Variants in EMCN observed in about 807,000 individuals in gnomAD.
EMCN encodes endomucin, also known as MUC-14.
A neutral mutation model predicts 38.4 loss-of-function variants in EMCN; 37 were observed. The ratio of observed to expected loss-of-function variants is 0.96; its 90% confidence interval spans 0.74 to 1.27. The LOEUF is 1.27. Ranked by LOEUF, EMCN falls within the 50% of genes most tolerant of loss-of-function variation. The pLI is 0.00. For missense variants in EMCN, 318 were observed against 302.8 expected (o/e 1.05, Z -0.37); for synonymous variants, 95 against 100.8 (o/e 0.94, Z 0.35).
intron 1 of EMCN, among the ~76,000 whole-genome samples, chr4:100,491,832 A>G (rs1729089219): frequency 6.6e-6 from 1 of 152,228 alleles, no homozygotes; most frequent in African/African-American, 2.4e-5. Flanking sequence ...ACTCAAAAGC[A>G]GGCTCTCTCT....
chr4:100,481,165 A>G (rs1252680696), intron 1 of EMCN, among the ~76,000 whole-genome samples: 1 of 152,184 alleles, frequency 6.6e-6, no homozygotes, highest in Non-Finnish European at 1.5e-5. Flanking sequence ...TGGACTTTGA[A>G]TAATACAGGC....
intron 7 of EMCN, 53 bp downstream of exon 7, chr4:100,422,968 T>C: frequency 1.3e-6 from 2 of 1,560,446 alleles, no homozygotes; most frequent in South Asian, 2.2e-5. Flanking sequence ...ACTGGTCACA[T>C]TCAAACATTC....
intron 11 of EMCN, among the ~76,000 whole-genome samples, chr4:100,398,679 A>G (rs1228692702): frequency 6.6e-6 from 1 of 151,962 alleles, no homozygotes; most frequent in Non-Finnish European, 1.5e-5. Flanking sequence ...CTATAGTCCT[A>G]TTCTTCCTCA....
In EMCN at chr4:100,397,167, C is replaced by G. The variant is rs1239584410; in HGVS notation, c.*1246G>C. On this transcript the variant is annotated 3_prime_UTR_variant, in exon 12 of 12. Coordinates refer to ENST00000296420, the MANE Select transcript of EMCN (RefSeq NM_016242.4). ...CAAGATTCCATCTTCACTAAACTGC[C>G]CCTTAGATCACTAAGATAATTTAGC... 6.6e-6 allele frequency: 1 copy of G among 152,068 alleles called. No homozygotes were observed. The highest frequency in any genetic ancestry group is 1.5e-5 in the Non-Finnish European group (1 of 68,006). The allele number at this position is 152,068 out of a possible 1,614,324, so 9.4% of individuals were successfully genotyped here.
At chr4:100,458,995 G>C (rs1317127033) in intron 4 of EMCN, among the ~76,000 whole-genome samples, 1 of 151,844 alleles carries the variant, frequency 6.6e-6, no homozygotes, top group African/African-American at 2.4e-5. Context: ...TGTTGAGTTA[G>C]AGAAGCAGGC....
chr4:100,505,580 C>T (rs1729461227), intron 1 of EMCN, among the ~76,000 whole-genome samples: 1 of 152,090 alleles, frequency 6.6e-6, no homozygotes, highest in South Asian at 2.1e-4. Flanking sequence ...CCACATGAGG[C>T]AAGGAACTAC....
intron 4 of EMCN, among the ~76,000 whole-genome samples, chr4:100,448,826 C>CCTTCCTTCCTTCCTT (rs1179151604): frequency 7.2e-6 from 1 of 139,246 alleles, no homozygotes; most frequent in Non-Finnish European, 1.5e-5. Flanking sequence ...CTTCCTTCCT[C>CCTTCCTTCCTTCCTT]CCTCCCTCCC....
chr4:100,448,800 C>A (rs58390817), intron 4 of EMCN, among the ~76,000 whole-genome samples: 2 of 32,636 alleles, frequency 6.1e-5, no homozygotes, highest in Admixed American at 9.5e-4. Flanking sequence ...TGAAGTCTTC[C>A]TTCCTTCCTT....
intron 1 of EMCN, among the ~76,000 whole-genome samples, chr4:100,516,667 G>A (rs538837574): frequency 6.6e-6 from 1 of 152,064 alleles, no homozygotes; most frequent in Admixed American, 6.6e-5. Flanking sequence ...GCAAATGTGC[G>A]TGAATTTGAA....
intron 1 of EMCN, among the ~76,000 whole-genome samples, chr4:100,486,276 A>C (rs1728939144): frequency 6.6e-6 from 1 of 152,188 alleles, no homozygotes; most frequent in Non-Finnish European, 1.5e-5. Flanking sequence ...GAAAGAAAAA[A>C]GTTTATATTC....
At chr4:100,444,236 G>C (rs1727601686) in intron 5 of EMCN, among the ~76,000 whole-genome samples, 1 of 152,204 alleles carries the variant, frequency 6.6e-6, no homozygotes, top group Admixed American at 6.5e-5. Flanking sequence ...TCTTTGGGAT[G>C]TGTTGTGCCA....
At chr4:100,469,222 C>T (rs1211003330) in intron 3 of EMCN, among the ~76,000 whole-genome samples, 1 of 152,030 alleles carries the variant, frequency 6.6e-6, no homozygotes, top group Non-Finnish European at 1.5e-5. Flanking sequence ...ACACAACACA[C>T]AAAAATCAAC....
rs751523005 is a variant in EMCN at position 100,465,531 on chromosome 4, C to T, written c.268G>A (p.Ala90Thr). ...TTCTTCCTGACATCAGTGGTTGTGG[C>T]TTTCAATCCTATAAAAAGAATGAAC... ...FLTSKDEGLK[A>T]TTTDVRKNDS... Residue 90 changes from alanine (A) to threonine (T), a missense_variant, in exon 4 of 12, where the codon GCC (alanine) becomes ACC (threonine). Coordinates refer to ENST00000296420, the MANE Select transcript of EMCN (RefSeq NM_016242.4). The T allele has an allele frequency of 1.9e-6, 3 of 1,592,108 alleles. No homozygotes were observed. The highest frequency in any genetic ancestry group is 1.7e-5 in the Admixed American group (1 of 58,850).
chr4:100,403,201 A>G (rs1028564318), intron 11 of EMCN, among the ~76,000 whole-genome samples: 2 of 152,094 alleles, frequency 1.3e-5, no homozygotes, highest in East Asian at 3.9e-4. Context: ...AATACCAAAT[A>G]GGTAGTGTCT....
At chr4:100,475,844 A>AT (rs1728632622) in intron 2 of EMCN, among the ~76,000 whole-genome samples, 1 of 151,306 alleles carries the variant, frequency 6.6e-6, no homozygotes, top group East Asian at 2.0e-4. Context: ...CGCCCGGCTA[A>AT]TTTTTTTGTA....
At chr4:100,490,760 T>A (rs1263228603) in intron 1 of EMCN, among the ~76,000 whole-genome samples, 1 of 152,194 alleles carries the variant, frequency 6.6e-6, no homozygotes, top group African/African-American at 2.4e-5. Context: ...GTAGAATGTA[T>A]CCCCATCATT....
intron 1 of EMCN, among the ~76,000 whole-genome samples, chr4:100,486,439 A>C (rs1034054218): frequency 3.9e-5 from 6 of 152,334 alleles, no homozygotes; most frequent in African/African-American, 1.4e-4. Flanking sequence ...AACTCTTGTA[A>C]AAGAAGCTTT....
intron 11 of EMCN, among the ~76,000 whole-genome samples, chr4:100,402,720 G>T (rs1726289767): frequency 6.6e-6 from 1 of 152,138 alleles, no homozygotes; most frequent in East Asian, 1.9e-4. Context: ...TTAAAGTACA[G>T]AAATGGAAAG....
At chr4:100,399,176 G>A (rs1279108553) in intron 11 of EMCN, among the ~76,000 whole-genome samples, 1 of 152,176 alleles carries the variant, frequency 6.6e-6, no homozygotes, top group African/African-American at 2.4e-5. Context: ...ATTTTTCTCT[G>A]CAGTGTAGGA....
Sources: allele counts gnomAD v4.1 joint callset (sites outside exome capture counted in the v4.1 genomes callset), GRCh38; gene constraint gnomAD v4.1.1; transcripts MANE v1.5; gene names NCBI Gene and HGNC (gene_info 2026-07-23, HGNC 2026-07-21).